Variants in PRKN observed in about 807,000 individuals in gnomAD.
PRKN encodes parkin RBR E3 ubiquitin protein ligase.
A neutral mutation model predicts 59.5 loss-of-function variants in PRKN; 56 were observed. The observed-to-expected ratio is 0.94, with a 90% CI of 0.76 to 1.18. The LOEUF (loss-of-function observed/expected upper bound fraction) is 1.18. PRKN is among the 50% of genes most tolerant of loss of function. The pLI is 0.00. For missense variants in PRKN, 657 were observed against 596.4 expected (o/e 1.10, Z -1.06); for synonymous variants, 250 against 222.1 (o/e 1.13, Z -1.12).
chr6:162,105,731 T>C (rs1780167827), intron 4 of PRKN, among the ~76,000 whole-genome samples: 1 of 152,190 alleles, frequency 6.6e-6, no homozygotes, highest in South Asian at 2.1e-4. Context: ...TAAAGGCATA[T>C]GTTTCTTCCA....
At chr6:162,365,231 T>C (rs113457488) in intron 2 of PRKN, among the ~76,000 whole-genome samples, 5 of 152,272 alleles carry the variant, frequency 3.3e-5, no homozygotes, top group African/African-American at 1.2e-4. Flanking sequence ...TGTATATGTA[T>C]ATTTTGATAT....
At chr6:162,397,141 T>C (rs1271461655) in intron 2 of PRKN, among the ~76,000 whole-genome samples, 2 of 152,216 alleles carry the variant, frequency 1.3e-5, no homozygotes, top group Non-Finnish European at 2.9e-5. Context: ...CTGAAGCTTA[T>C]GGTGCCTTTC....
intron 7 of PRKN, among the ~76,000 whole-genome samples, chr6:161,690,355 T>C (rs1263821898): frequency 1.3e-5 from 2 of 152,166 alleles, no homozygotes; most frequent in Admixed American, 1.3e-4. Flanking sequence ...AGAGTTTGAA[T>C]TGGAACTTTC....
At chr6:161,671,961 A>C (rs1582981378) in intron 7 of PRKN, among the ~76,000 whole-genome samples, 1 of 152,154 alleles carries the variant, frequency 6.6e-6, no homozygotes, top group Admixed American at 6.5e-5. Flanking sequence ...ACGCTTCTGG[A>C]AACTGCAGTG....
intron 2 of PRKN, among the ~76,000 whole-genome samples, chr6:162,375,765 A>AC (rs1554308509): frequency 1.5e-4 from 22 of 151,492 alleles, no homozygotes; most frequent in Admixed American, 2.6e-4. Flanking sequence ...ACACACACAC[A>AC]AACACACACC....
chr6:161,453,765 TCCTCC>T lies in PRKN; in HGVS notation c.1084-66893_1084-66889del, dbSNP rs576350661. ...TTCCTTCCTCCCTTCCTTCCTTTCC[TCCTCC>T]CCTCCCCTCCCCTCCCCTTCCCCTC... On this transcript the variant is annotated intron_variant, in intron 9 of 11. Transcript: ENST00000366898. Among the ~76,000 whole-genome samples the T allele has an allele frequency of 7.5e-3, 757 of 101,566 alleles. 7 individuals are homozygous for T. Among genetic ancestry groups the T allele is most frequent in the African/African-American group, 0.024 (652 of 27,244 alleles). 66.6% of individuals were successfully genotyped at this position (101,566 alleles called of 152,430 possible). A position where few individuals can be genotyped will look rare whatever the true frequency, so the allele number is the denominator to read the frequency against.
At chr6:162,195,669 G>A (rs1784461498) in intron 4 of PRKN, among the ~76,000 whole-genome samples, 1 of 152,002 alleles carries the variant, frequency 6.6e-6, no homozygotes, top group Non-Finnish European at 1.5e-5. Flanking sequence ...AGTTCTTTTT[G>A]AGATAAAGTA....
intron 7 of PRKN, among the ~76,000 whole-genome samples, chr6:161,628,966 T>C (rs1783195904): frequency 6.6e-6 from 1 of 152,106 alleles, no homozygotes; most frequent in African/African-American, 2.4e-5. Context: ...TCTTCAATAA[T>C]TGATATCTTG....
chr6:162,401,874 C>T (rs1787810484), intron 2 of PRKN, among the ~76,000 whole-genome samples: 1 of 152,132 alleles, frequency 6.6e-6, no homozygotes, highest in Non-Finnish European at 1.5e-5. Flanking sequence ...AGACCAATTT[C>T]CACAGAAGCA....
At chr6:161,918,597 T>C (rs912402717) in intron 6 of PRKN, among the ~76,000 whole-genome samples, 5 of 152,172 alleles carry the variant, frequency 3.3e-5, no homozygotes, top group Non-Finnish European at 7.3e-5. Flanking sequence ...TCAGGTTATA[T>C]AATCATGGTG....
rs1217210221 is a variant in PRKN at position 161,410,026 on chromosome 6, T to C, written c.1084-23149A>G. ...AGTGCTAAGCCAGGCACAGTGACCT[T>C]TCCTGTACCTGTGCTAGGATGCAAA... is the stretch of plus-strand genomic sequence containing the variant. On this transcript the variant is annotated intron_variant, in intron 9 of 11. Coordinates refer to ENST00000366898, the MANE Select transcript of PRKN (RefSeq NM_004562.3). This position sits in a 1 kb window ranked among gnomAD's most constrained non-coding sequence, Gnocchi z 5.3. 6.6e-6 allele frequency among the ~76,000 whole-genome samples: 1 copy of C among 152,182 alleles called. No individual in the cohort carries two copies. Among genetic ancestry groups the C allele is most frequent in the Non-Finnish European group, 1.5e-5 (1 of 68,026 alleles).
chr6:162,155,074 T>C (rs550250021), intron 4 of PRKN, among the ~76,000 whole-genome samples: 2 of 145,690 alleles, frequency 1.4e-5, no homozygotes, highest in East Asian at 4.1e-4. Context: ...GACTCTATGG[T>C]AAATCAAAGA....
At chr6:162,111,967 C>T (rs756356980) in intron 4 of PRKN, among the ~76,000 whole-genome samples, 1 of 152,208 alleles carries the variant, frequency 6.6e-6, no homozygotes, top group Non-Finnish European at 1.5e-5. Flanking sequence ...TCAAAATGCG[C>T]TACTGAAGTC....
chr6:161,753,242 G>A (rs1256997542), intron 7 of PRKN, among the ~76,000 whole-genome samples: 3 of 152,154 alleles, frequency 2.0e-5, no homozygotes, highest in Non-Finnish European at 4.4e-5. Flanking sequence ...GTCTGGTTGG[G>A]GAGGAGAAGC....
intron 9 of PRKN, among the ~76,000 whole-genome samples, chr6:161,387,884 G>A (rs932976548): frequency 6.6e-6 from 1 of 152,152 alleles, no homozygotes; most frequent in Non-Finnish European, 1.5e-5. Context: ...AGGAGATTAG[G>A]ACAGAGACAC....
intron 7 of PRKN, among the ~76,000 whole-genome samples, chr6:161,780,257 T>C (rs889504106): frequency 2.0e-5 from 3 of 152,218 alleles, no homozygotes; most frequent in Non-Finnish European, 1.5e-5. Context: ...GTGCCGTATA[T>C]AAACCAGGAT....
chr6:162,479,199 A>G (rs1161384691), intron 1 of PRKN, among the ~76,000 whole-genome samples: 1 of 151,134 alleles, frequency 6.6e-6, no homozygotes, highest in Non-Finnish European at 1.5e-5. Context: ...GCTGTTTTCC[A>G]CCTTAAAAAA....
intron 2 of PRKN, among the ~76,000 whole-genome samples, chr6:162,380,516 T>C (rs1304593017): frequency 8.2e-6 from 1 of 121,846 alleles, no homozygotes; most frequent in Non-Finnish European, 1.7e-5. Context: ...TGTGTATATA[T>C]ATATATATGT....
At chr6:161,511,161 TGGAG>T (rs1288544145) in intron 9 of PRKN, among the ~76,000 whole-genome samples, 4 of 152,194 alleles carry the variant, frequency 2.6e-5, no homozygotes, top group Admixed American at 2.6e-4. Context: ...ATGTTCTTTG[TGGAG>T]ATTTTTAAAA....
Sources: gnomAD v4.1 joint callset for allele counts (sites outside exome capture counted in the v4.1 genomes callset) on GRCh38, gnomAD v4.1.1 for gene constraint, Gnocchi (gnomAD v3.1) non-coding constraint, MANE v1.5 for transcripts, NCBI Gene and HGNC (gene_info 2026-07-23, HGNC 2026-07-21) for gene names.